The following BTBD17 variants were observed in gnomAD, a reference collection of about 807,000 sequenced individuals.
The protein encoded by BTBD17 is BTB/POZ domain-containing protein 17.
A neutral mutation model predicts 36.9 loss-of-function variants in BTBD17; 26 were observed. That is an observed-to-expected ratio of 0.70 (90% CI 0.52 to 0.98). BTBD17 has a LOEUF of 0.98. BTBD17 is among the 50% of genes least tolerant of loss of function. The pLI is 0.00. For missense variants in BTBD17, 630 were observed against 691.3 expected, an observed-to-expected ratio of 0.91 and a Z score of 0.99; for synonymous variants, 341 against 338.0, an observed-to-expected ratio of 1.01 and a Z score of -0.10.
chr17:74,356,825 C>G lies in BTBD17; in HGVS notation c.1269G>C (p.Leu423=), dbSNP rs923753181. 1 of 1,577,130 alleles carries G rather than the reference C, an allele frequency of 6.3e-7. No individual in the cohort carries two copies. The highest frequency in any genetic ancestry group is 8.6e-7 in the Non-Finnish European group (1 of 1,166,628). ...VLVGARQQGR[L]LVRHAYSFHQ... ...GGAAGCTGTAGGCGTGGCGGACCAG[C>G]AGGCGGCCCTGCTGGCGCGCCCCCA... Residue 423 remains leucine (L), a synonymous_variant, in exon 3 of 3, where the codon CTG becomes CTC. Transcript: ENST00000375366. This position sits in a 1 kb window ranked among gnomAD's most constrained non-coding sequence, Gnocchi z 4.3.
rs2054910084 is a variant in BTBD17 at position 74,357,834 on chromosome 17, A to G, written c.363-103T>C. Reference sequence around the variant, plus strand: ...GGACCCGGCCTGGAGTTGGAGCTTCACTGTCCGGGTGCAAACACAGTGGAA... The same window carrying G: ...GGACCCGGCCTGGAGTTGGAGCTTCGCTGTCCGGGTGCAAACACAGTGGAA... On this transcript the variant is annotated intron_variant, in intron 2 of 2. Coordinates refer to ENST00000375366, the MANE Select transcript of BTBD17 (RefSeq NM_001080466.2). This position sits in a 1 kb window ranked among gnomAD's most constrained non-coding sequence, Gnocchi z 8.4. The G allele has an allele frequency of 2.2e-6, 2 of 908,300 alleles. No homozygotes were observed. The highest frequency in any genetic ancestry group is 2.8e-5 in the Admixed American group (1 of 35,430). 56.3% of individuals were successfully genotyped at this position (908,300 alleles called of 1,614,324 possible).
chr17:74,362,966 A>ATGTG (rs1555626867), upstream of BTBD17, among the ~76,000 whole-genome samples: 1 of 148,992 alleles, frequency 6.7e-6, no homozygotes, highest in South Asian at 2.1e-4. Flanking sequence ...GCGCGCGCGC[A>ATGTG]TGTGTGTGTG....
rs368697014 is a variant in BTBD17, at chr17:74,357,209, C to T, written c.885G>A (p.Ala295=). 352 of 1,573,000 alleles carry T rather than the reference C, an allele frequency of 2.2e-4. No individual in the cohort carries two copies. In the Middle Eastern group the frequency reaches 2.7e-3, roughly 12 times the overall value. ...AGAACTTGGCGTAGTGCAGCGGCGA[C>T]GCGGCGTGGAACTGGTAGGCCTGCA... ...LLLQAYQFHA[A]SPLHYAKFFD... The change falls in exon 3 of 3, where the codon GCG becomes GCA. Residue 295 remains alanine, a synonymous_variant. Transcript: ENST00000375366. This position sits in a 1 kb window ranked among gnomAD's most constrained non-coding sequence, Gnocchi z 8.4.
upstream of BTBD17, chr17:74,362,031 G>T: frequency 1.9e-6 from 1 of 531,430 alleles, no homozygotes; most frequent in Non-Finnish European, 3.4e-6. Flanking sequence ...CGGCAGCCCC[G>T]GGGGCTATTG....
chr17:74,363,178 G>A (rs765174705), upstream of BTBD17, among the ~76,000 whole-genome samples: 103 of 152,236 alleles, frequency 6.8e-4, 2 homozygotes, highest in Middle Eastern at 6.8e-3. Context: ...GATCCCAGGG[G>A]CCAGCTCGAT....
chr17:74,362,283 A>C (rs1884057491), upstream of BTBD17, among the ~76,000 whole-genome samples: 1 of 151,910 alleles, frequency 6.6e-6, no homozygotes, highest in South Asian at 2.1e-4. Context: ...CACCATGGTG[A>C]GCCGGCTGCA....
Position 74,360,745 on chromosome 17 carries a change from C to T in BTBD17, c.86-500G>A, listed in dbSNP as rs545342863. On this transcript the variant is annotated intron_variant, in intron 1 of 2. Coordinates refer to ENST00000375366, the MANE Select transcript of BTBD17 (RefSeq NM_001080466.2). ...GCTTGGGATGTGGCAGTGGACAAAG[C>T]AAGCCAAGTTCTTATGCTCATAAAA... Among the ~76,000 whole-genome samples the T allele has an allele frequency of 4.0e-5, 6 of 151,334 alleles. No homozygotes were observed. The South Asian group carries it at 1.2e-3, about 31-fold the overall frequency.
Position 74,357,578 on chromosome 17 carries a change from C to G in BTBD17, c.516G>C (p.Trp172Cys). The G allele has an allele frequency of 6.4e-7, 1 of 1,552,182 alleles. No individual in the cohort carries two copies. The highest frequency in any genetic ancestry group is 1.2e-5 in the South Asian group (1 of 85,280). ...LAGGAGPAVG[W>C]YHYAVGTGDE... ...CCCCGGTGCCCACCGCGTAGTGGTA[C>G]CAGCCCACCGCCGGGCCCGCGCCTC... The change falls in exon 3 of 3, where the codon TGG becomes TGC. Residue 172 changes from tryptophan to cysteine, a missense_variant. Transcript: ENST00000375366. The surrounding 1 kb of genome is among the most constrained non-coding windows in gnomAD (Gnocchi z 8.4).
At chr17:74,359,856 C>T (rs765568960) in intron 2 of BTBD17, 113 bp downstream of exon 2, 26 of 1,077,192 alleles carry the variant, frequency 2.4e-5, no homozygotes, top group Non-Finnish European at 3.0e-5. Flanking sequence ...CAGTGATGTC[C>T]GGGGAAATGG....
In BTBD17 at chr17:74,356,752, GCAGGTC is replaced by G; in HGVS notation, c.1336_1341del (p.Asp446_Leu447del). On this transcript the variant is annotated inframe_deletion, in exon 3 of 3. Coordinates refer to ENST00000375366, the MANE Select transcript of BTBD17 (RefSeq NM_001080466.2). The surrounding 1 kb of genome is among the most constrained non-coding windows in gnomAD (Gnocchi z 4.3). Reference sequence around the variant, plus strand: ...ACCAGGTACTCGGAGTTGCGCCGCTGCAGGTCGGCGTGCGCCAGGAAGTCGCCGGCC... The same window carrying G: ...ACCAGGTACTCGGAGTTGCGCCGCTGGGCGTGCGCCAGGAAGTCGCCGGCC... The G allele has an allele frequency of 6.2e-7, 1 of 1,601,366 alleles. No individual in the cohort carries two copies. The highest frequency in any genetic ancestry group is 8.5e-7 in the Non-Finnish European group (1 of 1,174,914).
intron 1 of BTBD17, among the ~76,000 whole-genome samples, chr17:74,360,988 G>A (rs2054934318): frequency 6.6e-6 from 1 of 152,190 alleles, no homozygotes; most frequent in Admixed American, 6.5e-5. Context: ...GTGTGGAAGG[G>A]AAGCTGTTTT....
intron 1 of BTBD17, among the ~76,000 whole-genome samples, chr17:74,361,276 G>A (rs2054936186): frequency 6.6e-6 from 1 of 152,254 alleles, no homozygotes; most frequent in African/African-American, 2.4e-5. Context: ...GGCGGGCGGG[G>A]GCCTGATTGC....
intron 1 of BTBD17, among the ~76,000 whole-genome samples, chr17:74,361,136 G>A (rs1439168446): frequency 2.0e-5 from 3 of 152,256 alleles, no homozygotes; most frequent in Admixed American, 1.3e-4. Flanking sequence ...TGAGCATTGA[G>A]GCTGGCCAGG....
In BTBD17 at chr17:74,357,790, ATTTTT is replaced by A; in HGVS notation, c.363-64_363-60del. The A allele has an allele frequency of 7.2e-7, 1 of 1,393,548 alleles. No homozygotes were observed. The highest frequency in any genetic ancestry group is 9.6e-7 in the Non-Finnish European group (1 of 1,041,562). 86.3% of individuals were successfully genotyped at this position (1,393,548 alleles called of 1,614,324 possible). A position where few individuals can be genotyped will look rare whatever the true frequency, so the allele number is the denominator to read the frequency against. Reference sequence around the variant, plus strand: ...GGGCGGTACCCACCTCCCAGGATAGATTTTTTAGAGTCCACAGGGGACCCGGCCTG... The same window carrying A: ...GGGCGGTACCCACCTCCCAGGATAGATAGAGTCCACAGGGGACCCGGCCTG... On this transcript the variant is annotated intron_variant, in intron 2 of 2. Transcript: ENST00000375366. The surrounding 1 kb of genome is among the most constrained non-coding windows in gnomAD (Gnocchi z 8.4).
Position 74,356,502 on chromosome 17 carries a change from G to T in BTBD17, c.*155C>A. ...ATCAGCTCTTGAAACCAGGCATCTTGTCTACCACGCCTCACCTGGACTCCA... is the reference window on the plus strand; with the variant it reads ...ATCAGCTCTTGAAACCAGGCATCTTTTCTACCACGCCTCACCTGGACTCCA... On this transcript the variant is annotated 3_prime_UTR_variant, in exon 3 of 3. Coordinates refer to ENST00000375366, the MANE Select transcript of BTBD17 (RefSeq NM_001080466.2). The surrounding 1 kb of genome is among the most constrained non-coding windows in gnomAD (Gnocchi z 4.3). 2.5e-6 allele frequency: 3 copies of T among 1,213,352 alleles called. No homozygotes were observed. The highest frequency in any genetic ancestry group is 3.2e-5 in the East Asian group (1 of 31,558). 75.2% of individuals were successfully genotyped at this position (1,213,352 alleles called of 1,614,324 possible). A position where few individuals can be genotyped will look rare whatever the true frequency, so the allele number is the denominator to read the frequency against.
At chr17:74,362,800 C>T (rs1422735864), upstream of BTBD17, among the ~76,000 whole-genome samples, 3 of 152,180 alleles carry the variant, frequency 2.0e-5, no homozygotes, top group African/African-American at 7.2e-5. Context: ...CTTTTCCAGG[C>T]TAAGGAGGCA....
chr17:74,361,271 G>T (rs901783255), intron 1 of BTBD17, among the ~76,000 whole-genome samples: 4 of 152,238 alleles, frequency 2.6e-5, no homozygotes, highest in African/African-American at 9.7e-5. Flanking sequence ...AGGGAGGCGG[G>T]CGGGGGCCTG....
In BTBD17 at chr17:74,357,683, G is replaced by T. The variant is rs1174095867; in HGVS notation, c.411C>A (p.Pro137=). 6.5e-7 allele frequency: 1 copy of T among 1,548,952 alleles called. No homozygotes were observed. Among genetic ancestry groups the T allele is most frequent in the South Asian group, 1.2e-5 (1 of 84,130 alleles). ...CGTACTTGGTGGCCAGTCTGTGCAG[G>T]GGGATGGCCTGGGTCAGCAGCACGG... ...ELTVLLTQAI[P]LHRLATKYGV... Residue 137 remains proline, a synonymous_variant, in exon 3 of 3, where the codon CCC becomes CCA. Transcript: ENST00000375366. The surrounding 1 kb of genome is among the most constrained non-coding windows in gnomAD (Gnocchi z 8.4).
At chr17:74,358,724 C>A (rs1485465698) in intron 2 of BTBD17, among the ~76,000 whole-genome samples, 3 of 152,076 alleles carry the variant, frequency 2.0e-5, no homozygotes, top group Non-Finnish European at 4.4e-5. Flanking sequence ...TCCTGCCAGT[C>A]CCCACCGGCA....
Sources: allele counts gnomAD v4.1 joint callset (sites outside exome capture counted in the v4.1 genomes callset), GRCh38; gene constraint gnomAD v4.1.1; non-coding constraint Gnocchi (gnomAD v3.1); transcripts MANE v1.5; gene names NCBI Gene and HGNC (gene_info 2026-07-23, HGNC 2026-07-21).